DMD: variants seen among roughly 807,000 people sequenced by gnomAD.
The protein encoded by DMD is mutant dystrophin.
In DMD, 63 loss-of-function variants were observed where a neutral mutation model predicts 330.1. The observed-to-expected ratio is 0.19, with a 90% confidence interval of 0.16 to 0.24. The LOEUF (loss-of-function observed/expected upper bound fraction) is 0.24, where lower values mean the gene tolerates loss of function less well. Among genes scored for constraint, DMD ranks in the 10% least tolerant of loss-of-function variants. DMD has a pLI of 1.00. For synonymous variants in DMD, 1,223 were observed against 959.8 expected, an observed-to-expected ratio of 1.27 and a Z score of -5.07; for missense variants, 3,344 against 2,684.1, an observed-to-expected ratio of 1.25 and a Z score of -5.43.
intron 2 of DMD, among the ~76,000 whole-genome samples, chrX:32,940,573 C>A (rs1175505560): frequency 9.0e-6 from 1 of 111,344 alleles, no homozygotes; most frequent in Non-Finnish European, 1.9e-5. Context: ...AAAGGACTCC[C>A]TGTTCAATAA....
At chrX:31,540,733 C>T (rs1279598913) in intron 55 of DMD, among the ~76,000 whole-genome samples, 4 of 111,750 alleles carry the variant, frequency 3.6e-5, no homozygotes, top group South Asian at 3.7e-4. Flanking sequence ...TACCAGAAAA[C>T]TTAGAAGCCC....
rs370517324 is a variant in DMD, at chrX:33,268,796, A to T, written c.7+70463T>A. On this transcript the variant is annotated intron_variant, in intron 1 of 17. Coordinates refer to the DMD transcript ENST00000288447. ...ACAAAAATTAGCTGGGTGTGGTGGT[A>T]CACATCTGTAATCCCAGCTGCTAGG... 4.4e-4 allele frequency among the ~76,000 whole-genome samples: 48 copies of T among 109,128 alleles called. No individual in the cohort carries two copies. The East Asian group carries it at 7.9e-3, about 18-fold the overall frequency. 94.8% of individuals were successfully genotyped at this position (109,128 alleles called of 115,157 possible). A position where few individuals can be genotyped will look rare whatever the true frequency, so the allele number is the denominator to read the frequency against.
intron 43 of DMD, among the ~76,000 whole-genome samples, chrX:32,249,640 A>C (rs899986226): frequency 1.8e-5 from 2 of 111,850 alleles, no homozygotes; most frequent in African/African-American, 6.5e-5. Context: ...AACTCAGGTC[A>C]ATCTAATTCC....
intron 66 of DMD, 107 bp downstream of exon 66, chrX:31,206,475 C>G (rs188747482): frequency 2.8e-6 from 2 of 714,201 alleles, no homozygotes; most frequent in East Asian, 3.5e-5. Context: ...CTACATCTTA[C>G]ATGAGGAATC....
At chrX:32,210,562 G>A (rs1260067800) in intron 44 of DMD, among the ~76,000 whole-genome samples, 1 of 111,528 alleles carries the variant, frequency 9.0e-6, no homozygotes, top group Non-Finnish European at 1.9e-5. Flanking sequence ...ACTTGTGTCT[G>A]ATTTTTTTAC....
intron 52 of DMD, among the ~76,000 whole-genome samples, chrX:31,723,798 G>A (rs1179049053): frequency 1.8e-5 from 2 of 110,834 alleles, no homozygotes; most frequent in African/African-American, 6.6e-5. Flanking sequence ...TTCATGACCA[G>A]GTCAAATTCA....
chrX:32,921,395 A>G (rs902345717), intron 2 of DMD, among the ~76,000 whole-genome samples: 2 of 112,196 alleles, frequency 1.8e-5, no homozygotes, highest in African/African-American at 6.5e-5. Context: ...CTGAGTAGAT[A>G]AGTGCAAACT....
chrX:32,833,186 T>C (rs774513978), intron 4 of DMD, among the ~76,000 whole-genome samples: 1 of 111,576 alleles, frequency 9.0e-6, no homozygotes, highest in East Asian at 2.8e-4. Context: ...ATATTTCAGA[T>C]ATGTTTATGA....
Position 31,231,239 on chromosome X carries a change from A to G in DMD, c.9287-8118T>C, listed in dbSNP as rs765660545. Among the ~76,000 whole-genome samples, 122 of 111,162 alleles carry G rather than the reference A, an allele frequency of 1.1e-3. 1 individual carries two copies. The highest frequency in any genetic ancestry group is 4.7e-3 in the Middle Eastern group (1 of 212). Reference sequence around the variant, plus strand: ...AGCAGTGTTGCCTGATCTTTTAAAAATCATTAGTATTATTTTAATATATAA... The same window carrying G: ...AGCAGTGTTGCCTGATCTTTTAAAAGTCATTAGTATTATTTTAATATATAA... On this transcript the variant is annotated intron_variant, in intron 63 of 78. Coordinates refer to ENST00000357033, the MANE Select transcript of DMD (RefSeq NM_004006.3).
chrX:33,095,811 A>G (rs1368742716), intron 1 of DMD, among the ~76,000 whole-genome samples: 2 of 110,939 alleles, frequency 1.8e-5, no homozygotes, highest in African/African-American at 3.3e-5. Context: ...TTAGAAATCA[A>G]TCTCAATTTA....
At chrX:32,244,095 TCCCTCCC>T (rs1166471964) in intron 43 of DMD, among the ~76,000 whole-genome samples, 3 of 70,858 alleles carry the variant, frequency 4.2e-5, no homozygotes, top group African/African-American at 1.6e-4. Flanking sequence ...CCCAATGCTA[TCCCTCCC>T]CCCTCCCCCC....
intron 60 of DMD, among the ~76,000 whole-genome samples, chrX:31,357,387 A>G (rs1042167075): frequency 9.0e-6 from 1 of 111,146 alleles, no homozygotes; most frequent in African/African-American, 3.3e-5. Context: ...CGAAAAAAAA[A>G]AAAAAGACGG....
At chrX:31,941,589 G>A (rs769874887) in intron 45 of DMD, among the ~76,000 whole-genome samples, 22 of 111,311 alleles carry the variant, frequency 2.0e-4, no homozygotes, top group Non-Finnish European at 2.6e-4. Context: ...ATACGTACAG[G>A]TTTGTTACCT....
intron 44 of DMD, among the ~76,000 whole-genome samples, chrX:32,044,702 G>C (rs187698810): frequency 0.018 from 1,974 of 111,703 alleles, 11 homozygotes; most frequent in African/African-American, 0.024. Context: ...GATTACAGGC[G>C]TGAGCCTCCG....
chrX:32,968,198 T>C (rs1308913817), intron 2 of DMD, among the ~76,000 whole-genome samples: 1 of 112,021 alleles, frequency 8.9e-6, no homozygotes, highest in Non-Finnish European at 1.9e-5. Context: ...AATCTGCTTA[T>C]GCTGGTCAGA....
rs756146450 is a variant in DMD, at chrX:32,060,163, T to C, written c.6439-91649A>G. Among the ~76,000 whole-genome samples the C allele has an allele frequency of 2.7e-5, 3 of 111,895 alleles. No individual in the cohort carries two copies. The South Asian group carries it at 1.1e-3, about 41-fold the overall frequency. On this transcript the variant is annotated intron_variant, in intron 44 of 78. Coordinates refer to ENST00000357033, the MANE Select transcript of DMD (RefSeq NM_004006.3). ...ACTAATTTATTTCCACTGAGTTTAC[T>C]GATGACCCTAGAAAATTTAAGCGGT...
chrX:33,087,539 C>G (rs1409889280), intron 1 of DMD, among the ~76,000 whole-genome samples: 2 of 111,954 alleles, frequency 1.8e-5, no homozygotes, highest in East Asian at 5.6e-4. Context: ...GTCTTTTCTA[C>G]TCACATTCAT....
At chrX:31,903,824 C>T (rs967407262) in intron 47 of DMD, among the ~76,000 whole-genome samples, 2 of 111,631 alleles carry the variant, frequency 1.8e-5, no homozygotes, top group Non-Finnish European at 3.8e-5. Flanking sequence ...TAAGAAAGAA[C>T]ATTACTTCAA....
At chrX:32,755,317 A>G (rs2071364208) in intron 7 of DMD, among the ~76,000 whole-genome samples, 1 of 55,025 alleles carries the variant, frequency 1.8e-5, no homozygotes, top group African/African-American at 1.3e-4. Flanking sequence ...TCAGACAAGG[A>G]AAAAAAACAC....
Sources: allele counts gnomAD v4.1 joint callset (sites outside exome capture counted in the v4.1 genomes callset), GRCh38; gene constraint gnomAD v4.1.1; transcripts MANE v1.5; gene names NCBI Gene and HGNC (gene_info 2026-07-23, HGNC 2026-07-21).